CACNA2D2: variants seen among roughly 807,000 people sequenced by gnomAD.
CACNA2D2 encodes the protein calcium voltage-gated channel auxiliary subunit alpha2delta 2.
Under a neutral mutation model 166.4 loss-of-function variants are expected in CACNA2D2, and 48 were observed. That is an observed-to-expected ratio of 0.29 (90% CI 0.23 to 0.37). The LOEUF (loss-of-function observed/expected upper bound fraction) is 0.37. CACNA2D2 is among the 10% of genes least tolerant of loss of function. The probability of loss-of-function intolerance (pLI) is 1.00; values close to 1 mark genes in which losing one functional copy is unlikely to be tolerated. For missense variants in CACNA2D2, 1,122 were observed against 1,433.0 expected (o/e 0.78, Z 3.50); for synonymous variants, 561 against 573.7 (o/e 0.98, Z 0.32).
chr3:50,395,886 A>G (rs1706125896), intron 3 of CACNA2D2, among the ~76,000 whole-genome samples: 1 of 151,986 alleles, frequency 6.6e-6, no homozygotes. Context: ...GGGTCCCGGG[A>G]GCAGGGGGAG....
chr3:50,428,789 T>A (rs1201510690), intron 3 of CACNA2D2, among the ~76,000 whole-genome samples: 1 of 152,198 alleles, frequency 6.6e-6, no homozygotes, highest in Non-Finnish European at 1.5e-5. Context: ...CAAGCCCCTG[T>A]CAGAGGAAAC....
chr3:50,433,773 G>A (rs1204848948), intron 3 of CACNA2D2, among the ~76,000 whole-genome samples: 1 of 152,118 alleles, frequency 6.6e-6, no homozygotes, highest in Non-Finnish European at 1.5e-5. Context: ...AGGCTGACAG[G>A]CACAACCTCT....
At chr3:50,378,161 C>G (rs1379665111) in intron 14 of CACNA2D2, 64 bp from the exon 15 acceptor site, 12 of 1,582,638 alleles carry the variant, frequency 7.6e-6, no homozygotes, top group Non-Finnish European at 1.0e-5. Context: ...TTCTGTCTCG[C>G]CAGGCATTGG....
chr3:50,470,618 T>C (rs1423626439), intron 2 of CACNA2D2, among the ~76,000 whole-genome samples: 3 of 125,514 alleles, frequency 2.4e-5, no homozygotes, highest in African/African-American at 8.5e-5. Flanking sequence ...GGGGTGGTGG[T>C]CAAGATGGCA....
intron 3 of CACNA2D2, among the ~76,000 whole-genome samples, chr3:50,417,783 T>C (rs1395038084): frequency 6.6e-6 from 1 of 152,166 alleles, no homozygotes; most frequent in Non-Finnish European, 1.5e-5. Context: ...ATTCTCACAT[T>C]ACTCATCTAC....
chr3:50,419,595 C>G (rs1238499382), intron 3 of CACNA2D2, among the ~76,000 whole-genome samples: 1 of 152,166 alleles, frequency 6.6e-6, no homozygotes, highest in Non-Finnish European at 1.5e-5. Context: ...TTAAAAGCAC[C>G]CTCATGGGAA....
rs1271205746 is a variant in CACNA2D2, at chr3:50,376,948, C to T, written c.1626+519G>A. Among the ~76,000 whole-genome samples, 2 of 152,232 alleles carry T rather than the reference C, an allele frequency of 1.3e-5. No individual in the cohort carries two copies. The highest frequency in any genetic ancestry group is 2.9e-5 in the Non-Finnish European group (2 of 68,044). On this transcript the variant is annotated intron_variant, in intron 17 of 37. Transcript: ENST00000424201. This position sits in a 1 kb window ranked among gnomAD's most constrained non-coding sequence, Gnocchi z 4.3. ...GAGAATTCCCTCTGCCTCCAATGTA[C>T]GCCATCCCCTCCTTTCCTTTCTGCC...
At position 50,476,929 on chromosome 3, in the gene CACNA2D2, C is replaced by CTT. The variant is rs61469495; in HGVS notation, c.207-732_207-731dup. ...CTGGGATTGCTCTTTGTTTCTTTTT[C>CTT]TTTTTTTTTTTTTTTTTTGAGACAG... On this transcript the variant is annotated intron_variant, in intron 1 of 37. Transcript: ENST00000424201. 1.6e-4 allele frequency among the ~76,000 whole-genome samples: 21 copies of CTT among 135,236 alleles called. 1 individual carries two copies. The highest frequency in any genetic ancestry group is 4.3e-4 in the East Asian group (2 of 4,624). 88.7% of individuals were successfully genotyped at this position (135,236 alleles called of 152,430 possible).
chr3:50,470,827 A>C (rs1409702181), intron 2 of CACNA2D2, among the ~76,000 whole-genome samples: 1 of 151,984 alleles, frequency 6.6e-6, no homozygotes, highest in Non-Finnish European at 1.5e-5. Context: ...TCAGGCTCCT[A>C]TGCATCTGCC....
At chr3:50,440,618 G>A (rs770656285) in intron 2 of CACNA2D2, among the ~76,000 whole-genome samples, 1 of 152,250 alleles carries the variant, frequency 6.6e-6, no homozygotes, top group African/African-American at 2.4e-5. Flanking sequence ...ACGGGCTACA[G>A]TGGAGGTCAC....
chr3:50,383,773 CT>C (rs1173920471), intron 6 of CACNA2D2, among the ~76,000 whole-genome samples: 1 of 152,186 alleles, frequency 6.6e-6, no homozygotes, highest in Non-Finnish European at 1.5e-5. Context: ...TCCCCCTACC[CT>C]CCGTGTCCAC....
Position 50,380,778 on chromosome 3 carries a change from A to C in CACNA2D2, c.812T>G (p.Ile271Ser). Residue 271 changes from isoleucine (I) to serine (S), a missense_variant, in exon 8 of 38, where the codon ATC becomes AGC. By Grantham distance (142) the Ile-to-Ser change is moderately radical. Coordinates refer to ENST00000424201, the MANE Select transcript of CACNA2D2 (RefSeq NM_006030.4). The surrounding 1 kb of genome is among the most constrained non-coding windows in gnomAD (Gnocchi z 4.9). ...PATPWRAPKKIDLYDVRRRPW... is the reference protein window; with the variant it reads ...PATPWRAPKKSDLYDVRRRPW... ...TCTCCTTCGGACATCGTACAGGTCG[A>C]TCTTCTTGGGGGCTCGCCACGGGGT... The C allele has an allele frequency of 6.5e-7, 1 of 1,549,470 alleles. No individual in the cohort carries two copies.
intron 2 of CACNA2D2, among the ~76,000 whole-genome samples, chr3:50,438,947 G>C (rs743757): frequency 0.29 from 43,972 of 152,152 alleles, 9,006 homozygotes; most frequent in African/African-American, 0.54. Flanking sequence ...GGTTTACATA[G>C]ATGACATCAC....
intron 1 of CACNA2D2, among the ~76,000 whole-genome samples, chr3:50,481,101 T>G (rs1698036337): frequency 6.6e-6 from 1 of 151,968 alleles, no homozygotes; most frequent in Non-Finnish European, 1.5e-5. Context: ...TGCAGAAAAC[T>G]CATCTATAAT....
chr3:50,451,563 C>T (rs1397950928), intron 2 of CACNA2D2, among the ~76,000 whole-genome samples: 5 of 152,194 alleles, frequency 3.3e-5, no homozygotes, highest in African/African-American at 9.7e-5. Context: ...GAGCAGATAC[C>T]CTCTGCATGC....
At chr3:50,497,797 C>G (rs1698784705) in intron 1 of CACNA2D2, among the ~76,000 whole-genome samples, 1 of 152,180 alleles carries the variant, frequency 6.6e-6, no homozygotes, top group African/African-American at 2.4e-5. Context: ...GCTCTGGAAG[C>G]TCTTCAGGTT....
chr3:50,475,613 G>A (rs923699361), intron 2 of CACNA2D2, among the ~76,000 whole-genome samples: 1 of 152,138 alleles, frequency 6.6e-6, no homozygotes, highest in African/African-American at 2.4e-5. Context: ...GGATGGATGT[G>A]GTGGCTGGTG....
intron 13 of CACNA2D2, among the ~76,000 whole-genome samples, chr3:50,378,546 G>A (rs1416444910): frequency 6.6e-6 from 1 of 152,272 alleles, no homozygotes; most frequent in Admixed American, 6.5e-5. Flanking sequence ...AAGCAGAGCA[G>A]GGGGCAGAGA....
At chr3:50,493,490 C>T (rs1453933209) in intron 1 of CACNA2D2, among the ~76,000 whole-genome samples, 1 of 152,198 alleles carries the variant, frequency 6.6e-6, no homozygotes, top group East Asian at 1.9e-4. Context: ...TGTTGCCATG[C>T]AGTAAGTTGG....
Sources: gnomAD v4.1 joint callset for allele counts (sites outside exome capture counted in the v4.1 genomes callset) on GRCh38, gnomAD v4.1.1 for gene constraint, Gnocchi (gnomAD v3.1) non-coding constraint, MANE v1.5 for transcripts, NCBI Gene and HGNC (gene_info 2026-07-23, HGNC 2026-07-21) for gene names.